Variants in MDGA2 observed in about 807,000 individuals in gnomAD.
MDGA2 encodes MAM domain-containing glycosylphosphatidylinositol anchor protein 2.
MDGA2 carries 40 observed loss-of-function variants against 117.8 expected under a neutral mutation model. The ratio of observed to expected loss-of-function variants is 0.34; its 90% CI spans 0.26 to 0.44. The LOEUF (loss-of-function observed/expected upper bound fraction) is 0.44. Ranked by LOEUF, MDGA2 falls within the 20% of genes least tolerant of loss-of-function variation. MDGA2 has a pLI of 1.00. For synonymous variants in MDGA2, 452 were observed against 439.0 expected (o/e 1.03, Z -0.37); for missense variants, 1,123 against 1,250.6 (o/e 0.90, Z 1.54).
At position 47,674,563 on chromosome 14, in the gene MDGA2, C is replaced by T. The variant is rs1337340830; in HGVS notation, c.234G>A (p.Trp78Ter). ...TCCCCTCCAGGAGGACTGTCAGCAG[C>T]CACACGAGACCGTACAGTAAATCCA... ...VKMDLLYGLV[W>*]LLTVLLEGIS... Residue 78 changes from tryptophan to a stop codon, truncating the protein, a stop_gained, in exon 1 of 17, where the codon TGG (tryptophan) becomes TGA (stop). Transcript: ENST00000399232. LOFTEE classifies it high-confidence loss of function. 1 of 1,551,350 alleles carries T rather than the reference C, an allele frequency of 6.4e-7. No individual in the cohort carries two copies. The highest frequency in any genetic ancestry group is 8.7e-7 in the Non-Finnish European group (1 of 1,146,882).
rs769662094 is a variant in MDGA2 at position 46,855,710 on chromosome 14, A to C, written c.2753-556T>G. 1.1e-4 allele frequency among the ~76,000 whole-genome samples: 17 copies of C among 152,040 alleles called. No individual in the cohort carries two copies. Among genetic ancestry groups the C allele is most frequent in the Admixed American group, 3.9e-4 (6 of 15,254 alleles). ...TGTTCTCCAGAATGATAAGCTAATA[A>C]ATTTGTGTTGTTTTAGATCATGAAG... On this transcript the variant is annotated intron_variant, in intron 14 of 16. Coordinates refer to ENST00000399232, the MANE Select transcript of MDGA2 (RefSeq NM_001113498.3). The surrounding 1 kb of genome is among the most constrained non-coding windows in gnomAD (Gnocchi z 4.1).
chr14:47,099,855 T>A (rs569701842), intron 5 of MDGA2, among the ~76,000 whole-genome samples: 2 of 152,052 alleles, frequency 1.3e-5, no homozygotes, highest in Non-Finnish European at 2.9e-5. Context: ...CTTTTGATAA[T>A]AGCTAGTACA....
intron 3 of MDGA2, among the ~76,000 whole-genome samples, chr14:47,199,924 A>C (rs1328192819): frequency 6.6e-6 from 1 of 152,134 alleles, no homozygotes; most frequent in Non-Finnish European, 1.5e-5. Context: ...TAAAAGTATA[A>C]AACCATAATA....
intron 9 of MDGA2, among the ~76,000 whole-genome samples, chr14:46,952,263 A>T (rs1274709645): frequency 6.6e-6 from 1 of 151,978 alleles, no homozygotes; most frequent in East Asian, 1.9e-4. Flanking sequence ...GTCTAAAATT[A>T]TTGGGAAGTC....
intron 1 of MDGA2, among the ~76,000 whole-genome samples, chr14:47,466,242 A>G (rs1358610987): frequency 6.6e-6 from 1 of 152,028 alleles, no homozygotes; most frequent in Non-Finnish European, 1.5e-5. Context: ...CTGGGTGGCA[A>G]AATAATCTGT....
chr14:47,055,888 T>A (rs1237504743), intron 7 of MDGA2, among the ~76,000 whole-genome samples: 1 of 152,118 alleles, frequency 6.6e-6, no homozygotes. Context: ...TTACGAAATG[T>A]TTGCCAGTCT....
intron 1 of MDGA2, among the ~76,000 whole-genome samples, chr14:47,656,653 G>A (rs1291075368): frequency 1.3e-5 from 2 of 152,094 alleles, no homozygotes; most frequent in Non-Finnish European, 2.9e-5. Flanking sequence ...GCATGCAAAT[G>A]TACCTCCTAT....
At chr14:47,643,436 A>C (rs1470169516) in intron 1 of MDGA2, among the ~76,000 whole-genome samples, 1 of 152,080 alleles carries the variant, frequency 6.6e-6, no homozygotes, top group Non-Finnish European at 1.5e-5. Flanking sequence ...CAGATTTGCT[A>C]TATGGAAATT....
At chr14:47,109,108 G>C (rs1254184423) in intron 5 of MDGA2, among the ~76,000 whole-genome samples, 1 of 152,156 alleles carries the variant, frequency 6.6e-6, no homozygotes, top group Non-Finnish European at 1.5e-5. Context: ...AGCTCCCATA[G>C]AGAGAAAAAT....
At chr14:47,329,072 T>C (rs1425091927) in intron 1 of MDGA2, among the ~76,000 whole-genome samples, 1 of 152,124 alleles carries the variant, frequency 6.6e-6, no homozygotes, top group African/African-American at 2.4e-5. Context: ...AATGTGTTTG[T>C]TATAAACTAG....
At chr14:47,497,587 G>A (rs1264050892) in intron 1 of MDGA2, among the ~76,000 whole-genome samples, 1 of 152,074 alleles carries the variant, frequency 6.6e-6, no homozygotes, top group Non-Finnish European at 1.5e-5. Flanking sequence ...TACAAATTCA[G>A]TTAATAGACT....
intron 1 of MDGA2, among the ~76,000 whole-genome samples, chr14:47,462,215 A>C (rs1415285150): frequency 6.6e-6 from 1 of 151,948 alleles, no homozygotes; most frequent in Non-Finnish European, 1.5e-5. Context: ...TCGCTACTAA[A>C]AATACAAAAA....
At position 46,884,827 on chromosome 14, in the gene MDGA2, A is replaced by T. The variant is rs1382683709; in HGVS notation, c.2239-2606T>A. ...AAAATACAGAAAAAATGTTATTATG[A>T]TCTCAGGTAATACATTACTTTCTTT... On this transcript the variant is annotated intron_variant, in intron 10 of 16. Coordinates refer to ENST00000399232, the MANE Select transcript of MDGA2 (RefSeq NM_001113498.3). The surrounding 1 kb of genome is among the most constrained non-coding windows in gnomAD (Gnocchi z 4.1). Among the ~76,000 whole-genome samples the T allele has an allele frequency of 6.6e-6, 1 of 151,838 alleles. No homozygotes were observed. The highest frequency in any genetic ancestry group is 6.6e-5 in the Admixed American group (1 of 15,200).
At position 47,255,830 on chromosome 14, in the gene MDGA2, A is replaced by C. The variant is rs1239356853; in HGVS notation, c.421-37635T>G. ...TATATCTGAGCAGTGTAGGCATGTTAGTCCTGCTTGTCTGGTAAATGAGAT... is the reference window on the plus strand; with the variant it reads ...TATATCTGAGCAGTGTAGGCATGTTCGTCCTGCTTGTCTGGTAAATGAGAT... On this transcript the variant is annotated intron_variant, in intron 2 of 16. Coordinates refer to ENST00000399232, the MANE Select transcript of MDGA2 (RefSeq NM_001113498.3). Among the ~76,000 whole-genome samples the C allele has an allele frequency of 2.8e-4, 42 of 152,056 alleles. 1 individual carries two copies. The highest frequency in any genetic ancestry group is 2.7e-3 in the Admixed American group (41 of 15,248).
intron 1 of MDGA2, among the ~76,000 whole-genome samples, chr14:47,569,347 G>T (rs1004548635): frequency 6.6e-6 from 1 of 152,176 alleles, no homozygotes; most frequent in Non-Finnish European, 1.5e-5. Flanking sequence ...TCCAGGGGAT[G>T]GATCTTGAGT....
At chr14:47,389,845 T>G (rs1032813983) in intron 1 of MDGA2, among the ~76,000 whole-genome samples, 3 of 152,152 alleles carry the variant, frequency 2.0e-5, no homozygotes, top group African/African-American at 7.2e-5. Flanking sequence ...CTTAAATACA[T>G]ACAAACAACA....
At chr14:47,325,169 T>C (rs1021528927) in intron 1 of MDGA2, among the ~76,000 whole-genome samples, 1 of 152,166 alleles carries the variant, frequency 6.6e-6, no homozygotes, top group Non-Finnish European at 1.5e-5. Context: ...TCTGATTGTT[T>C]TGGTTGGGTA....
intron 6 of MDGA2, among the ~76,000 whole-genome samples, chr14:47,092,505 A>G (rs1879716320): frequency 6.6e-6 from 1 of 152,142 alleles, no homozygotes; most frequent in African/African-American, 2.4e-5. Flanking sequence ...AATTAGAAGG[A>G]TATCTTTAGA....
chr14:47,414,061 C>T (rs1321877256), intron 1 of MDGA2, among the ~76,000 whole-genome samples: 1 of 151,826 alleles, frequency 6.6e-6, no homozygotes, highest in East Asian at 1.9e-4. Context: ...TTCTTAAGGG[C>T]CAAGAGAATG....
Sources: gnomAD v4.1 joint callset for allele counts (sites outside exome capture counted in the v4.1 genomes callset) on GRCh38, gnomAD v4.1.1 for gene constraint, Gnocchi (gnomAD v3.1) non-coding constraint, MANE v1.5 for transcripts, NCBI Gene and HGNC (gene_info 2026-07-23, HGNC 2026-07-21) for gene names.